ZNF608: variants seen among roughly 807,000 people sequenced by gnomAD.
ZNF608 encodes zinc finger protein 608.
Under a neutral mutation model 109.0 loss-of-function variants are expected in ZNF608, and 12 were observed. That is an observed-to-expected ratio of 0.11 (90% CI 0.07 to 0.18). The LOEUF (loss-of-function observed/expected upper bound fraction) is 0.18. ZNF608 is among the 10% of genes least tolerant of loss of function. The pLI, the probability that ZNF608 is intolerant of heterozygous loss-of-function variation, is 1.00. For synonymous variants in ZNF608, 732 were observed against 717.4 expected, an observed-to-expected ratio of 1.02 and a Z score of -0.33; for missense variants, 1,707 against 1,879.3, an observed-to-expected ratio of 0.91 and a Z score of 1.70.
chr5:124,726,665 A>AAAAAAAAG, intron 2 of ZNF608, among the ~76,000 whole-genome samples: 1 of 24,044 alleles, frequency 4.2e-5, no homozygotes, highest in South Asian at 1.0e-3. Flanking sequence ...ATTTGTTTAA[A>AAAAAAAAG]AAAAAAAAAA....
chr5:124,655,012 C>T lies in ZNF608; in HGVS notation c.1163-5315G>A, dbSNP rs569958452. ...ATAGGAGCAGTGTCTGCACCCACAA[C>T]CCCTGGCGGCACAGTGGCTACCTAA... On this transcript the variant is annotated intron_variant, in intron 3 of 9. Transcript: ENST00000513986. Among the ~76,000 whole-genome samples, 18 of 152,310 alleles carry T rather than the reference C, an allele frequency of 1.2e-4. 1 individual carries two copies. The highest frequency in any genetic ancestry group is 4.3e-4 in the African/African-American group (18 of 41,566).
At chr5:124,660,785 G>A (rs1274146255) in intron 3 of ZNF608, among the ~76,000 whole-genome samples, 2 of 152,120 alleles carry the variant, frequency 1.3e-5, no homozygotes, top group African/African-American at 4.8e-5. Flanking sequence ...ATGTACTACG[G>A]CGTCCTCATC....
chr5:124,687,626 G>C (rs139531699), intron 3 of ZNF608, among the ~76,000 whole-genome samples: 1,843 of 152,242 alleles, frequency 0.012, 42 homozygotes, highest in African/African-American at 0.042. Flanking sequence ...GACTTCGCTA[G>C]ATACCCTGCA....
At chr5:124,676,250 C>T (rs1315281842) in intron 3 of ZNF608, among the ~76,000 whole-genome samples, 9 of 152,084 alleles carry the variant, frequency 5.9e-5, no homozygotes, top group East Asian at 1.9e-4. Flanking sequence ...AAACAATAAA[C>T]GCTCTGTGAA....
At position 124,647,126 on chromosome 5, in the gene ZNF608, C is replaced by A. The variant is rs757950895; in HGVS notation, c.3258G>T (p.Gly1086=). The A allele has an allele frequency of 1.1e-5, 17 of 1,614,032 alleles. No individual in the cohort carries two copies. Among genetic ancestry groups the A allele is most frequent in the South Asian group, 5.5e-5 (5 of 91,084 alleles). ...TCAGAGACTTCTGGTCCATATAGAG[C>A]CCATATGCATACTGGCCATAATAAA... ...QSLYYGQYAY[G]LYMDQKSLMA... is the part of the protein sequence containing the mutation. Residue 1086 remains glycine (G), a synonymous_variant, in exon 5 of 10, where the codon GGG becomes GGT. Transcript: ENST00000513986.
At chr5:124,690,268 G>T (rs1752560733) in intron 3 of ZNF608, among the ~76,000 whole-genome samples, 1 of 152,144 alleles carries the variant, frequency 6.6e-6, no homozygotes, top group African/African-American at 2.4e-5. Flanking sequence ...TTAGGGCAGT[G>T]CAAATACTCT....
At chr5:124,748,532 C>A, upstream of ZNF608, 5 of 985,328 alleles carry the variant, frequency 5.1e-6, no homozygotes, top group Non-Finnish European at 6.0e-6. Context: ...ACCGTACTTA[C>A]GGTCTGTATT....
At chr5:124,718,027 C>A (rs1194203804) in intron 2 of ZNF608, among the ~76,000 whole-genome samples, 1 of 152,202 alleles carries the variant, frequency 6.6e-6, no homozygotes, top group Non-Finnish European at 1.5e-5. Flanking sequence ...GCAATTGGTG[C>A]TCTCTCACTA....
At chr5:124,653,041 C>A (rs929799921) in intron 3 of ZNF608, among the ~76,000 whole-genome samples, 1 of 152,162 alleles carries the variant, frequency 6.6e-6, no homozygotes, top group African/African-American at 2.4e-5. Flanking sequence ...GTTTATTATT[C>A]TTCCCTTTCC....
chr5:124,721,247 C>T (rs990308108), intron 2 of ZNF608, among the ~76,000 whole-genome samples: 7 of 152,146 alleles, frequency 4.6e-5, no homozygotes, highest in South Asian at 2.1e-4. Flanking sequence ...TTTTTGCCAA[C>T]GATCTCTACA....
chr5:124,713,663 A>G (rs180703489), intron 2 of ZNF608, among the ~76,000 whole-genome samples: 110 of 152,342 alleles, frequency 7.2e-4, no homozygotes, highest in African/African-American at 2.5e-3. Context: ...TGGCCTGCAA[A>G]GCCTAAAGTA....
intron 2 of ZNF608, among the ~76,000 whole-genome samples, chr5:124,741,037 T>A (rs2149904048): frequency 6.6e-6 from 1 of 152,296 alleles, no homozygotes; most frequent in East Asian, 1.9e-4. Flanking sequence ...GAGGCAGGTT[T>A]TAACAACCAA....
At chr5:124,719,678 A>G (rs1006952102) in intron 2 of ZNF608, among the ~76,000 whole-genome samples, 1 of 152,228 alleles carries the variant, frequency 6.6e-6, no homozygotes, top group Admixed American at 6.5e-5. Context: ...GTGGGGATCA[A>G]AGATTCTTAA....
intron 9 of ZNF608, among the ~76,000 whole-genome samples, chr5:124,638,186 G>T (rs1015677358): frequency 7.9e-5 from 12 of 152,048 alleles, no homozygotes; most frequent in Non-Finnish European, 1.8e-4. Context: ...CTGACCTCAG[G>T]TGATCTGCCC....
chr5:124,663,654 G>T (rs1041835202), intron 3 of ZNF608, among the ~76,000 whole-genome samples: 3 of 152,102 alleles, frequency 2.0e-5, no homozygotes, highest in African/African-American at 7.2e-5. Flanking sequence ...ACTTTATTTA[G>T]TACATCTCAG....
chr5:124,696,243 T>C lies in ZNF608; in HGVS notation c.1162+4771A>G, dbSNP rs114926033. 5.5e-3 allele frequency among the ~76,000 whole-genome samples: 843 copies of C among 151,968 alleles called. 7 individuals carry two copies. The highest frequency in any genetic ancestry group is 0.019 in the African/African-American group (801 of 41,470). ...AGAATCATTTCTTTCTCCAATTAAC[T>C]ACCCTGAAAACACGGATTCCCAAAA... On this transcript the variant is annotated intron_variant, in intron 3 of 9. Transcript: ENST00000513986.
intron 3 of ZNF608, among the ~76,000 whole-genome samples, chr5:124,653,901 C>A (rs1282675675): frequency 6.6e-6 from 1 of 152,202 alleles, no homozygotes; most frequent in Admixed American, 6.5e-5. Flanking sequence ...ACTGTTGGTG[C>A]AACACCCTCA....
chr5:124,667,519 G>C (rs1190057963), intron 3 of ZNF608, among the ~76,000 whole-genome samples: 1 of 152,174 alleles, frequency 6.6e-6, no homozygotes, highest in Non-Finnish European at 1.5e-5. Context: ...ACTGTAAGAA[G>C]ATCTACAAGT....
chr5:124,638,915 T>C (rs4371750), intron 9 of ZNF608: 673,150 of 806,606 alleles, frequency 0.83, 282,329 homozygotes, highest in East Asian at 1. Flanking sequence ...TCTAAAAAAC[T>C]AATCAGTTAA....
Sources: allele counts gnomAD v4.1 joint callset (sites outside exome capture counted in the v4.1 genomes callset), GRCh38; gene constraint gnomAD v4.1.1; transcripts MANE v1.5; gene names NCBI Gene and HGNC (gene_info 2026-07-23, HGNC 2026-07-21).